Variants in BAZ1A observed in about 807,000 individuals in gnomAD.
The protein encoded by BAZ1A is bromodomain adjacent to zinc finger domain 1A, also known as bromodomain adjacent to zinc finger domain protein 1A.
BAZ1A carries 50 observed loss-of-function variants against 185.2 expected under a neutral mutation model. The observed-to-expected ratio is 0.27, with a 90% CI of 0.22 to 0.34. BAZ1A has a LOEUF of 0.34. Among genes scored for constraint, BAZ1A ranks in the 10% least tolerant of loss-of-function variants. The pLI is 1.00. For synonymous variants in BAZ1A, 571 were observed against 615.6 expected (o/e 0.93, Z 1.07); for missense variants, 1,356 against 1,839.9 (o/e 0.74, Z 4.81).
chr14:34,764,351 G>A (rs1171096268), intron 23 of BAZ1A, among the ~76,000 whole-genome samples: 1 of 144,760 alleles, frequency 6.9e-6, no homozygotes, highest in Admixed American at 7.1e-5. Flanking sequence ...GAGTGCAATG[G>A]CGTGATCCGT....
chr14:34,764,582 G>A lies in BAZ1A; in HGVS notation c.3776+125C>T, dbSNP rs1179716605. On this transcript the variant is annotated intron_variant, in intron 23 of 26. Transcript: ENST00000360310. ...GCTGGGATTATAGGCATAAGCTACC[G>A]TGTCCAGCCTATATATTAGTTTTAA... The A allele has an allele frequency of 2.1e-5, 27 of 1,296,728 alleles. 1 individual carries two copies. In the East Asian group the frequency reaches 3.5e-4, roughly 17 times the overall value. The allele number at this position is 1,296,728 out of a possible 1,614,324, so 80.3% of individuals were successfully genotyped here.
intron 5 of BAZ1A, among the ~76,000 whole-genome samples, chr14:34,810,157 C>A (rs2041909979): frequency 1.3e-5 from 2 of 151,996 alleles, no homozygotes; most frequent in Admixed American, 6.6e-5. Flanking sequence ...AGAACATAAG[C>A]AAAAATTATT....
chr14:34,825,335 C>A (rs1457018807), intron 4 of BAZ1A, among the ~76,000 whole-genome samples: 1 of 150,792 alleles, frequency 6.6e-6, no homozygotes, highest in Non-Finnish European at 1.5e-5. Context: ...TGCCTGTAAT[C>A]CCAGCTACTT....
chr14:34,866,481 A>G (rs924618508), intron 2 of BAZ1A, among the ~76,000 whole-genome samples: 5 of 146,246 alleles, frequency 3.4e-5, no homozygotes, highest in East Asian at 2.0e-4. Flanking sequence ...GAGTAAAACA[A>G]TATCTCAAAA....
At chr14:34,819,228 T>C (rs2138697318) in intron 4 of BAZ1A, among the ~76,000 whole-genome samples, 2 of 151,718 alleles carry the variant, frequency 1.3e-5, no homozygotes, top group East Asian at 3.9e-4. Context: ...ATAGGGTATA[T>C]AGTTTGGTAC....
chr14:34,771,715 T>C, intron 20 of BAZ1A, 56 bp from the exon 21 acceptor site: 2 of 1,529,622 alleles, frequency 1.3e-6, no homozygotes, highest in Non-Finnish European at 1.8e-6. Context: ...TAGGTAAAAC[T>C]TGAGTCCATT....
intron 19 of BAZ1A, 124 bp downstream of exon 19, chr14:34,774,203 A>AT: frequency 1.4e-6 from 1 of 723,314 alleles, no homozygotes. Context: ...TTCATAAAAA[A>AT]TTTATCATTC....
chr14:34,864,174 C>T (rs925175070), intron 2 of BAZ1A, among the ~76,000 whole-genome samples: 17 of 151,988 alleles, frequency 1.1e-4, no homozygotes, highest in African/African-American at 4.1e-4. Context: ...GACAGAATCT[C>T]ATGCTGTTGC....
rs1410545373 is a variant in BAZ1A, at chr14:34,752,855, C to G, written c.*653G>C. On this transcript the variant is annotated 3_prime_UTR_variant, in exon 27 of 27. Transcript: ENST00000360310. Reference sequence around the variant, plus strand: ...GAGGGTGTTACTTTTTTTGATTGATCATTAAGGAAGTTAGAGGAATAAAAA... The same window carrying G: ...GAGGGTGTTACTTTTTTTGATTGATGATTAAGGAAGTTAGAGGAATAAAAA... 2.0e-5 allele frequency: 3 copies of G among 152,048 alleles called. No individual in the cohort carries two copies. The highest frequency in any genetic ancestry group is 4.4e-5 in the Non-Finnish European group (3 of 67,984). The allele number at this position is 152,048 out of a possible 1,614,324, so 9.4% of individuals were successfully genotyped here. A position where few individuals can be genotyped will look rare whatever the true frequency, so the allele number is the denominator to read the frequency against.
intron 4 of BAZ1A, among the ~76,000 whole-genome samples, chr14:34,821,213 T>A (rs1219318195): frequency 6.6e-6 from 1 of 152,204 alleles, no homozygotes; most frequent in Non-Finnish European, 1.5e-5. Context: ...GTAGACATAA[T>A]GAGCCATGTG....
chr14:34,834,817 TA>T (rs1225765072), intron 3 of BAZ1A, among the ~76,000 whole-genome samples: 5 of 152,116 alleles, frequency 3.3e-5, no homozygotes, highest in East Asian at 1.9e-4. Context: ...GGGGTGTATG[TA>T]AAAAAACAGA....
At chr14:34,869,689 G>A (rs1301195780) in intron 2 of BAZ1A, among the ~76,000 whole-genome samples, 1 of 152,174 alleles carries the variant, frequency 6.6e-6, no homozygotes, top group African/African-American at 2.4e-5. Flanking sequence ...GCAACTGCTT[G>A]TGGTAGACTG....
intron 4 of BAZ1A, among the ~76,000 whole-genome samples, chr14:34,824,914 G>A (rs909334702): frequency 2.6e-5 from 4 of 152,270 alleles, no homozygotes; most frequent in South Asian, 2.1e-4. Flanking sequence ...GAGAAATAAC[G>A]ATTTAGAATA....
intron 9 of BAZ1A, 58 bp from the exon 10 acceptor site, chr14:34,795,823 G>T: frequency 7.7e-7 from 1 of 1,302,726 alleles, no homozygotes; most frequent in Non-Finnish European, 1.1e-6. Context: ...GGCAGCATCG[G>T]CATCTCCTGA....
intron 15 of BAZ1A, 83 bp downstream of exon 15, chr14:34,783,679 A>G: frequency 1.3e-6 from 2 of 1,508,348 alleles, no homozygotes; most frequent in Non-Finnish European, 1.8e-6. Context: ...TGAATGCCAC[A>G]TTATAGCACC....
Position 34,783,339 on chromosome 14 carries a change from AAAACTATAATGTAGTAATCATTCAT to A in BAZ1A, c.1998-132_1998-108del, listed in dbSNP as rs573728745. ...TGGAAAGTACTTCAAACATTATTAT[AAAACTATAATGTAGTAATCATTCAT>A]AAGCTTTTTTTTTTTTTTTTTGAGA... On this transcript the variant is annotated intron_variant, in intron 15 of 26. Coordinates refer to ENST00000360310, the MANE Select transcript of BAZ1A (RefSeq NM_013448.3). 1.8e-4 allele frequency: 132 copies of A among 714,702 alleles called. No individual in the cohort carries two copies. The Middle Eastern group carries it at 3.2e-3, about 18-fold the overall frequency. 44.3% of individuals were successfully genotyped at this position (714,702 alleles called of 1,614,324 possible).
At chr14:34,823,386 G>A (rs1019004134) in intron 4 of BAZ1A, among the ~76,000 whole-genome samples, 7 of 149,644 alleles carry the variant, frequency 4.7e-5, no homozygotes, top group African/African-American at 1.5e-4. Flanking sequence ...TGGGTCGGGT[G>A]CAGTGGTTCA....
In BAZ1A at chr14:34,874,426, G is replaced by C. The variant is rs992914782; in HGVS notation, c.113+66C>G. 16 of 1,445,836 alleles carry C rather than the reference G, an allele frequency of 1.1e-5. No individual in the cohort carries two copies. The highest frequency in any genetic ancestry group is 2.3e-5 in the South Asian group (2 of 87,380). 89.6% of individuals were successfully genotyped at this position (1,445,836 alleles called of 1,614,324 possible). A position where few individuals can be genotyped will look rare whatever the true frequency, so the allele number is the denominator to read the frequency against. Reference sequence around the variant, plus strand: ...AGCCCAGGGCGAGGAAAAGGAGAGAGACAAAAGAGCGCTGCGGGGGGAGTC... The same window carrying C: ...AGCCCAGGGCGAGGAAAAGGAGAGACACAAAAGAGCGCTGCGGGGGGAGTC... On this transcript the variant is annotated intron_variant, in intron 2 of 26. Transcript: ENST00000360310. This position sits in a 1 kb window ranked among gnomAD's most constrained non-coding sequence, Gnocchi z 4.7.
At chr14:34,833,266 C>A (rs887709096) in intron 3 of BAZ1A, among the ~76,000 whole-genome samples, 2 of 151,990 alleles carry the variant, frequency 1.3e-5, no homozygotes, top group South Asian at 4.1e-4. Context: ...TGGTGGCTCA[C>A]GCCTGTAACC....
Sources: allele counts gnomAD v4.1 joint callset (sites outside exome capture counted in the v4.1 genomes callset), GRCh38; gene constraint gnomAD v4.1.1; non-coding constraint Gnocchi (gnomAD v3.1); transcripts MANE v1.5; gene names NCBI Gene and HGNC (gene_info 2026-07-23, HGNC 2026-07-21).